Variants in ICE1 observed in about 807,000 individuals in gnomAD.
The protein encoded by ICE1 is little elongation complex subunit 1.
In ICE1, 64 loss-of-function variants were observed where a neutral mutation model predicts 192.7. The ratio of observed to expected loss-of-function variants is 0.33; its 90% CI spans 0.27 to 0.41. The LOEUF (loss-of-function observed/expected upper bound fraction) is 0.41, where lower values mean the gene tolerates loss of function less well. ICE1 is among the 10% of genes least tolerant of loss of function. The pLI, the probability that ICE1 is intolerant of heterozygous loss-of-function variation, is 1.00. For synonymous variants in ICE1, 1,010 were observed against 984.5 expected (o/e 1.03, Z -0.49); for missense variants, 2,708 against 2,696.0 (o/e 1.00, Z -0.10).
chr5:5,487,746 A>C (rs1739671796), intron 18 of ICE1, among the ~76,000 whole-genome samples: 1 of 152,234 alleles, frequency 6.6e-6, no homozygotes, highest in Admixed American at 6.5e-5. Context: ...CTGATACTAC[A>C]GTGGGTGTAA....
In ICE1 at chr5:5,422,814, G is replaced by A; in HGVS notation, c.-102G>A. 1.2e-6 allele frequency: 1 copy of A among 852,858 alleles called. No homozygotes were observed. The highest frequency in any genetic ancestry group is 1.5e-6 in the Non-Finnish European group (1 of 645,948). The allele number at this position is 852,858 out of a possible 1,614,324, so 52.8% of individuals were successfully genotyped here. On this transcript the variant is annotated 5_prime_UTR_variant, in exon 1 of 19. Transcript: ENST00000296564. The stretch of plus-strand genomic sequence containing the variant: ...GACCCGCCCGGACCTGGCGGGAAGC[G>A]GCCTGGCAGGCGGCGGCCCCGGCGG...
Position 5,423,013 on chromosome 5 carries a change from C to G in ICE1, c.84+14C>G. 2 of 1,369,718 alleles carry G rather than the reference C, an allele frequency of 1.5e-6. No homozygotes were observed. Among genetic ancestry groups the G allele is most frequent in the East Asian group, 6.3e-5 (2 of 31,994 alleles). 84.8% of individuals were successfully genotyped at this position (1,369,718 alleles called of 1,614,324 possible). On this transcript the variant is annotated intron_variant, in intron 1 of 18. Transcript: ENST00000296564. Reference sequence around the variant, plus strand: ...TCTCTGCAGCAGGTGCAGCACCTCCCGGGGCCCCGGGCGCGGGGGGGGACT... The same window carrying G: ...TCTCTGCAGCAGGTGCAGCACCTCCGGGGGCCCCGGGCGCGGGGGGGGACT...
chr5:5,470,254 G>A (rs1211395463), intron 15 of ICE1, among the ~76,000 whole-genome samples: 21 of 152,054 alleles, frequency 1.4e-4, no homozygotes. Flanking sequence ...TTCCTAGAGA[G>A]TTACTGTGTC....
chr5:5,474,541 A>G (rs1739257251), intron 16 of ICE1, among the ~76,000 whole-genome samples: 1 of 152,238 alleles, frequency 6.6e-6, no homozygotes, highest in Non-Finnish European at 1.5e-5. Flanking sequence ...CCTGGGAGAA[A>G]ATTAAGCTCT....
chr5:5,459,268 C>T (rs1738683338), intron 12 of ICE1, among the ~76,000 whole-genome samples: 1 of 152,132 alleles, frequency 6.6e-6, no homozygotes, highest in South Asian at 2.1e-4. Flanking sequence ...GTCAAATGAG[C>T]AGCATTTGGT....
rs774633996 is a variant in ICE1, at chr5:5,422,711, C to A, written c.-205C>A. ...CGCGCTCGGGGGCCGCGCCGGGTAG[C>A]GTTTCTTTTTAGTGCCTGAGGCAGC... On this transcript the variant is annotated 5_prime_UTR_variant, in exon 1 of 19. Coordinates refer to ENST00000296564, the MANE Select transcript of ICE1 (RefSeq NM_015325.3). The A allele has an allele frequency of 2.8e-6, 1 of 354,750 alleles. No homozygotes were observed. The highest frequency in any genetic ancestry group is 5.0e-6 in the Non-Finnish European group (1 of 199,042). 22.0% of individuals were successfully genotyped at this position (354,750 alleles called of 1,614,324 possible). A position where few individuals can be genotyped will look rare whatever the true frequency, so the allele number is the denominator to read the frequency against.
intron 7 of ICE1, among the ~76,000 whole-genome samples, chr5:5,446,611 G>A (rs1202675219): frequency 1.3e-5 from 2 of 152,198 alleles, no homozygotes; most frequent in Non-Finnish European, 2.9e-5. Flanking sequence ...TGAAGTGCCA[G>A]TGAGACTATA....
Position 5,422,902 on chromosome 5 carries a change from CCGG to C in ICE1, c.-6_-4del. 2 of 1,381,604 alleles carry C rather than the reference CCGG, an allele frequency of 1.4e-6. No homozygotes were observed. The highest frequency in any genetic ancestry group is 1.6e-5 in the South Asian group (1 of 62,336). The allele number at this position is 1,381,604 out of a possible 1,614,324, so 85.6% of individuals were successfully genotyped here. A position where few individuals can be genotyped will look rare whatever the true frequency, so the allele number is the denominator to read the frequency against. On this transcript the variant is annotated 5_prime_UTR_variant, in exon 1 of 19. Transcript: ENST00000296564. ...CCTGAGGCGTGCGTGCCCACCGGGC[CCGG>C]CGGCGGCACCATGATGCCGGGCGAG...
At chr5:5,459,279 G>A (rs1346991977) in intron 12 of ICE1, among the ~76,000 whole-genome samples, 1 of 152,200 alleles carries the variant, frequency 6.6e-6, no homozygotes, top group Non-Finnish European at 1.5e-5. Context: ...AGCATTTGGT[G>A]ACATTTTTAA....
chr5:5,462,485 T>C lies in ICE1; in HGVS notation c.3151T>C (p.Leu1051=), dbSNP rs764955943. The part of the protein sequence containing the change: ...TPQNANGLWK[L]KSTTPGGALP... ...ACAAAATGCTAATGGACTTTGGAAATTGAAATCTACAACTCCCGGTGGTGC... is the reference window on the plus strand; with the variant it reads ...ACAAAATGCTAATGGACTTTGGAAACTGAAATCTACAACTCCCGGTGGTGC... Residue 1051 remains leucine (L), a synonymous_variant, in exon 13 of 19, where the codon TTG becomes CTG. Coordinates refer to ENST00000296564, the MANE Select transcript of ICE1 (RefSeq NM_015325.3). 9.9e-6 allele frequency: 16 copies of C among 1,613,996 alleles called. No individual in the cohort carries two copies. The highest frequency in any genetic ancestry group is 1.3e-5 in the Non-Finnish European group (15 of 1,179,892).
At chr5:5,465,323 A>G (rs2111387557) in intron 13 of ICE1, 97 bp downstream of exon 13, 1 of 793,340 alleles carries the variant, frequency 1.3e-6, no homozygotes, top group African/African-American at 1.7e-5. Context: ...ACCATGAACA[A>G]AAGTTTTACT....
In ICE1 at chr5:5,463,562, A is replaced by ATTT. The variant is rs1433295434; in HGVS notation, c.4229_4230insTTT (p.Ile1410_Asn1411insLeu). The ATTT allele has an allele frequency of 6.2e-7, 1 of 1,614,026 alleles. No homozygotes were observed. Among genetic ancestry groups the ATTT allele is most frequent in the South Asian group, 1.1e-5 (1 of 91,086 alleles). ...GACCTCAGAAGTTATAAACGTACTT[A>ATTT]TAAATAAGGATCAGAATCTAGTCAT... is the stretch of plus-strand genomic sequence containing the variant. On this transcript the variant is annotated inframe_insertion, in exon 13 of 19. Transcript: ENST00000296564.
intron 5 of ICE1, among the ~76,000 whole-genome samples, chr5:5,442,965 G>T (rs1194259569): frequency 6.6e-6 from 1 of 152,076 alleles, no homozygotes; most frequent in Non-Finnish European, 1.5e-5. Flanking sequence ...TTGTTTTTAA[G>T]TTTTATAGTT....
Position 5,468,893 on chromosome 5 carries a change from C to G in ICE1, c.6127C>G (p.Gln2043Glu), listed in dbSNP as rs369448473. ...CATGTGGCATGATATATTTCTCTCT[C>G]AATCGGTGATTAATAAAGCAATGCA... The part of the protein sequence containing the change: ...ANMWHDIFLS[Q>E]SVINKAMQLV... Residue 2043 changes from glutamine (Q) to glutamate (E), a missense_variant, in exon 15 of 19, where the codon CAA becomes GAA. Transcript: ENST00000296564. 2.3e-5 allele frequency: 37 copies of G among 1,606,302 alleles called. No individual in the cohort carries two copies. The highest frequency in any genetic ancestry group is 3.1e-5 in the Non-Finnish European group (37 of 1,176,666).
chr5:5,447,553 C>T (rs563442334), intron 8 of ICE1, 44 bp downstream of exon 8: 12 of 1,464,234 alleles, frequency 8.2e-6, no homozygotes, highest in African/African-American at 2.8e-5. Context: ...ATACGTGGCT[C>T]CAGGGTCTCT....
At chr5:5,431,532 T>C (rs1737711167) in intron 1 of ICE1, among the ~76,000 whole-genome samples, 1 of 152,216 alleles carries the variant, frequency 6.6e-6, no homozygotes, top group South Asian at 2.1e-4. Flanking sequence ...GATTTGAAAA[T>C]ATTTATTGTG....
intron 11 of ICE1, among the ~76,000 whole-genome samples, chr5:5,456,729 A>C (rs1738593776): frequency 6.6e-6 from 1 of 152,184 alleles, no homozygotes; most frequent in African/African-American, 2.4e-5. Flanking sequence ...CAAATATAAT[A>C]AATGGTTATG....
chr5:5,474,789 A>C (rs1331423116), intron 16 of ICE1, among the ~76,000 whole-genome samples: 1 of 152,160 alleles, frequency 6.6e-6, no homozygotes, highest in African/African-American at 2.4e-5. Flanking sequence ...AAGCTGTGGA[A>C]ATTACCTTGT....
chr5:5,459,776 T>C (rs1738696017), intron 12 of ICE1, among the ~76,000 whole-genome samples: 1 of 152,064 alleles, frequency 6.6e-6, no homozygotes, highest in Non-Finnish European at 1.5e-5. Context: ...GCACGCCAAG[T>C]GGGCCACATG....
Sources: gnomAD v4.1 joint callset for allele counts (sites outside exome capture counted in the v4.1 genomes callset) on GRCh38, gnomAD v4.1.1 for gene constraint, MANE v1.5 for transcripts, NCBI Gene and HGNC (gene_info 2026-07-23, HGNC 2026-07-21) for gene names.